The following CD47 variants were observed in gnomAD, a reference collection of about 807,000 sequenced individuals.
CD47 encodes the protein CD47 molecule, also known as leukocyte surface antigen CD47.
A neutral mutation model predicts 44.6 loss-of-function variants in CD47; 11 were observed. The observed-to-expected ratio is 0.25, with a 90% CI of 0.16 to 0.41. The LOEUF (loss-of-function observed/expected upper bound fraction) is 0.41. Ranked by LOEUF, CD47 falls within the 10% of genes least tolerant of loss-of-function variation. CD47 has a pLI of 1.00. For missense variants in CD47, 306 were observed against 386.7 expected, an observed-to-expected ratio of 0.79 and a Z score of 1.75; for synonymous variants, 140 against 136.3, an observed-to-expected ratio of 1.03 and a Z score of -0.19.
chr3:108,049,617 AC>A lies in CD47; in HGVS notation c.967+1del. ...TAATTATTAAGTGCATTTTATACTT[AC>A]CATCATTCATCATTCCTTTTGATTC... On this transcript the variant is annotated splice_donor_variant, in intron 10 of 10. Coordinates refer to ENST00000361309, the MANE Select transcript of CD47 (RefSeq NM_001777.4). LOFTEE classifies it high-confidence loss of function. 6.4e-7 allele frequency: 1 copy of A among 1,569,962 alleles called. No homozygotes were observed. Among genetic ancestry groups the A allele is most frequent in the Admixed American group, 1.7e-5 (1 of 59,972 alleles).
rs1019406962 is a variant in CD47, at chr3:108,090,969, C to A, written c.-61G>T. On this transcript the variant is annotated 5_prime_UTR_variant, in exon 1 of 11. Coordinates refer to ENST00000361309, the MANE Select transcript of CD47 (RefSeq NM_001777.4). Reference sequence around the variant, plus strand: ...AGGTGTCCGGAGCAGCAGCCGCCGCCGCCGTTACAGGCAGGACCGACCGCC... The same window carrying A: ...AGGTGTCCGGAGCAGCAGCCGCCGCAGCCGTTACAGGCAGGACCGACCGCC... 2.4e-5 allele frequency: 31 copies of A among 1,293,610 alleles called. No individual in the cohort carries two copies. Among genetic ancestry groups the A allele is most frequent in the Non-Finnish European group, 3.1e-5 (30 of 976,510 alleles). The allele number at this position is 1,293,610 out of a possible 1,614,324, so 80.1% of individuals were successfully genotyped here.
At position 108,090,981 on chromosome 3, in the gene CD47, C is replaced by G; in HGVS notation, c.-73G>C. On this transcript the variant is annotated 5_prime_UTR_variant, in exon 1 of 11. Coordinates refer to ENST00000361309, the MANE Select transcript of CD47 (RefSeq NM_001777.4). ...CAGCAGCCGCCGCCGCCGTTACAGG[C>G]AGGACCGACCGCCGCCGCGCGTCAC... The G allele has an allele frequency of 1.8e-6, 2 of 1,095,388 alleles. No individual in the cohort carries two copies. Among genetic ancestry groups the G allele is most frequent in the Non-Finnish European group, 2.4e-6 (2 of 827,598 alleles). 67.9% of individuals were successfully genotyped at this position (1,095,388 alleles called of 1,614,324 possible).
intron 1 of CD47, among the ~76,000 whole-genome samples, chr3:108,086,403 T>C (rs2079521846): frequency 6.6e-6 from 1 of 152,072 alleles, no homozygotes; most frequent in Non-Finnish European, 1.5e-5. Context: ...CAACAGAAGT[T>C]AGTTGTGGGA....
In CD47 at chr3:108,049,693, C is replaced by T. The variant is rs542345859; in HGVS notation, c.935-42G>A. On this transcript the variant is annotated intron_variant, in intron 9 of 10. Transcript: ENST00000361309. ...GCCAAGCAGGCAGTTAGTGAGGTTC[C>T]ACAATTGGAAATCATTTCTAAATAA... is the stretch of plus-strand genomic sequence containing the variant. The T allele has an allele frequency of 6.2e-5, 92 of 1,483,572 alleles. 1 individual carries two copies. The South Asian group carries it at 8.7e-4, about 14-fold the overall frequency. The allele number at this position is 1,483,572 out of a possible 1,614,324, so 91.9% of individuals were successfully genotyped here.
Position 108,044,448 on chromosome 3 carries a change from CAAAAAAA to C in CD47, c.*2833_*2839del, listed in dbSNP as rs869104856. On this transcript the variant is annotated 3_prime_UTR_variant, in exon 11 of 11. Coordinates refer to ENST00000361309, the MANE Select transcript of CD47 (RefSeq NM_001777.4). ...AAAAAAAAAAAAAAAAAAAAAAAAACAAAAAAAAAAAACAGAAAGAAAGAAAACTCTC... is the reference window on the plus strand; with the variant it reads ...AAAAAAAAAAAAAAAAAAAAAAAAACAAAAACAGAAAGAAAGAAAACTCTC... 3.3e-5 allele frequency: 2 copies of C among 60,206 alleles called. No individual in the cohort carries two copies. The highest frequency in any genetic ancestry group is 5.4e-5 in the African/African-American group (1 of 18,546). 3.7% of individuals were successfully genotyped at this position (60,206 alleles called of 1,614,324 possible). A position where few individuals can be genotyped will look rare whatever the true frequency, so the allele number is the denominator to read the frequency against.
rs1313365763 is a variant in CD47, at chr3:108,043,156, C to CA, written c.*4131dup. ...TTAAAAGCTTATTGGGTATTATACTCAAAAAATTCATAATTAATATTTTAA... is the reference window on the plus strand; with the variant it reads ...TTAAAAGCTTATTGGGTATTATACTCAAAAAAATTCATAATTAATATTTTAA... On this transcript the variant is annotated 3_prime_UTR_variant, in exon 11 of 11. Coordinates refer to ENST00000361309, the MANE Select transcript of CD47 (RefSeq NM_001777.4). 3.9e-5 allele frequency: 6 copies of CA among 152,564 alleles called. No homozygotes were observed. The highest frequency in any genetic ancestry group is 7.4e-5 in the Non-Finnish European group (5 of 67,998). 9.5% of individuals were successfully genotyped at this position (152,564 alleles called of 1,614,324 possible). A position where few individuals can be genotyped will look rare whatever the true frequency, so the allele number is the denominator to read the frequency against.
chr3:108,061,450 T>C (rs753472892), intron 3 of CD47, among the ~76,000 whole-genome samples: 8 of 151,720 alleles, frequency 5.3e-5, no homozygotes, highest in Non-Finnish European at 1.0e-4. Flanking sequence ...TTGAAAAAAA[T>C]GACAGAATAA....
rs576188795 is a variant in CD47 at position 108,067,678 on chromosome 3, T to C, written c.490+3415A>G. 9.1e-4 allele frequency among the ~76,000 whole-genome samples: 139 copies of C among 152,326 alleles called. 1 individual carries two copies. The highest frequency in any genetic ancestry group is 3.7e-3 in the South Asian group (18 of 4,830). Reference sequence around the variant, plus strand: ...CAATCTCTGAGCTGTTTGCTAAGCATAGAGATTCTGCTTAAAAGTTCCTAA... The same window carrying C: ...CAATCTCTGAGCTGTTTGCTAAGCACAGAGATTCTGCTTAAAAGTTCCTAA... On this transcript the variant is annotated intron_variant, in intron 3 of 10. Coordinates refer to ENST00000361309, the MANE Select transcript of CD47 (RefSeq NM_001777.4).
chr3:108,071,599 G>C (rs2108254023), intron 2 of CD47, among the ~76,000 whole-genome samples: 1 of 152,260 alleles, frequency 6.6e-6, no homozygotes, highest in African/African-American at 2.4e-5. Flanking sequence ...CACAGTACAT[G>C]TATCTTGAAG....
At chr3:108,053,556 G>C (rs1455066637) in intron 7 of CD47, 2 of 152,364 alleles carry the variant, frequency 1.3e-5, no homozygotes, top group African/African-American at 4.8e-5. Flanking sequence ...ATCAAAGACA[G>C]AGGAACTCAG....
intron 1 of CD47, among the ~76,000 whole-genome samples, chr3:108,086,642 T>C (rs1160157462): frequency 6.6e-6 from 1 of 152,160 alleles, no homozygotes; most frequent in African/African-American, 2.4e-5. Flanking sequence ...AGTGATTCTT[T>C]TACAATAAAT....
At chr3:108,090,494 G>A (rs1383159598) in intron 1 of CD47, among the ~76,000 whole-genome samples, 1 of 152,140 alleles carries the variant, frequency 6.6e-6, no homozygotes, top group Non-Finnish European at 1.5e-5. Flanking sequence ...GCGAAAGAAG[G>A]GGATCCCTAG....
At chr3:108,084,850 G>A (rs2079488492) in intron 1 of CD47, among the ~76,000 whole-genome samples, 3 of 151,936 alleles carry the variant, frequency 2.0e-5, no homozygotes. Flanking sequence ...GAATGAATTA[G>A]ACACTCATCC....
At chr3:108,080,495 T>C (rs2079396067) in intron 1 of CD47, 151 bp from the exon 2 acceptor site, 1 of 549,474 alleles carries the variant, frequency 1.8e-6, no homozygotes, top group Non-Finnish European at 3.2e-6. Flanking sequence ...TTAGGTGAAA[T>C]ATGCAAACAA....
At chr3:108,074,700 T>C (rs1185914476) in intron 2 of CD47, among the ~76,000 whole-genome samples, 1 of 4,196 alleles carries the variant, frequency 2.4e-4, no homozygotes, top group African/African-American at 1.0e-3. Context: ...TTCCCTGATA[T>C]GTGGGGCGGG....
intron 3 of CD47, among the ~76,000 whole-genome samples, chr3:108,068,518 C>A (rs1055367873): frequency 6.6e-6 from 1 of 152,126 alleles, no homozygotes; most frequent in South Asian, 2.1e-4. Flanking sequence ...TATAGGTTCA[C>A]CCTTCATGGA....
At chr3:108,074,517 T>G (rs1335091358) in intron 2 of CD47, among the ~76,000 whole-genome samples, 4 of 152,018 alleles carry the variant, frequency 2.6e-5, no homozygotes, top group South Asian at 4.2e-4. Flanking sequence ...TTTTATCATG[T>G]TGGCCAGGCT....
intron 3 of CD47, among the ~76,000 whole-genome samples, chr3:108,064,000 T>C (rs1204345562): frequency 1.3e-5 from 2 of 152,228 alleles, no homozygotes; most frequent in African/African-American, 4.8e-5. Context: ...TATAAAATAA[T>C]TAGTAACCAA....
chr3:108,058,453 CAGA>C, intron 5 of CD47, 24 bp from the exon 6 acceptor site: 1 of 1,461,370 alleles, frequency 6.8e-7, no homozygotes, highest in Non-Finnish European at 9.4e-7. Flanking sequence ...AAGGATGTAA[CAGA>C]AGCATGTCAA....
Sources: allele counts gnomAD v4.1 joint callset (sites outside exome capture counted in the v4.1 genomes callset), GRCh38; gene constraint gnomAD v4.1.1; transcripts MANE v1.5; gene names NCBI Gene and HGNC (gene_info 2026-07-23, HGNC 2026-07-21).